The following YWHAE variants were observed in gnomAD, a reference collection of about 807,000 sequenced individuals.
YWHAE encodes tyrosine 3-monooxygenase/tryptophan 5-monooxygenase activation protein epsilon.
Under a neutral mutation model 30.1 loss-of-function variants are expected in YWHAE, and 4 were observed. The observed-to-expected ratio is 0.13, with a 90% CI of 0.07 to 0.30. The LOEUF (loss-of-function observed/expected upper bound fraction) is 0.30. Ranked by LOEUF, YWHAE falls within the 10% of genes least tolerant of loss-of-function variation. The pLI, the probability that YWHAE is intolerant of heterozygous loss-of-function variation, is 1.00. For missense variants in YWHAE, 121 were observed against 315.9 expected, an observed-to-expected ratio of 0.38 and a Z score of 4.68; for synonymous variants, 118 against 111.8, an observed-to-expected ratio of 1.06 and a Z score of -0.35.
intron 2 of YWHAE, among the ~76,000 whole-genome samples, chr17:1,362,871 G>C (rs2072885190): frequency 6.6e-6 from 1 of 152,080 alleles, no homozygotes; most frequent in Admixed American, 6.6e-5. Context: ...GGAGAAGGAA[G>C]ACTTCTAAGT....
At chr17:1,353,656 T>C (rs2072678701) in intron 5 of YWHAE, among the ~76,000 whole-genome samples, 2 of 150,512 alleles carry the variant, frequency 1.3e-5, no homozygotes, top group African/African-American at 4.9e-5. Flanking sequence ...CCAGCTACCC[T>C]GGGAAGCTGA....
chr17:1,365,208 G>A (rs1481397361), intron 1 of YWHAE, 150 bp from the exon 2 acceptor site: 2 of 901,544 alleles, frequency 2.2e-6, no homozygotes, highest in Non-Finnish European at 3.3e-6. Context: ...TGAGTAAAAA[G>A]CCAAAAACAT....
chr17:1,372,856 G>C (rs1035273207), intron 1 of YWHAE, among the ~76,000 whole-genome samples: 1 of 152,156 alleles, frequency 6.6e-6, no homozygotes, highest in East Asian at 1.9e-4. Context: ...AGGAGGCCGA[G>C]GCAGGAGGAT....
At chr17:1,391,290 T>G (rs934826389) in intron 1 of YWHAE, among the ~76,000 whole-genome samples, 1 of 149,886 alleles carries the variant, frequency 6.7e-6, no homozygotes, top group East Asian at 1.9e-4. Flanking sequence ...TAACTTCATT[T>G]GAAAAAAAAA....
At chr17:1,360,242 G>A (rs993080236) in intron 4 of YWHAE, among the ~76,000 whole-genome samples, 7 of 152,010 alleles carry the variant, frequency 4.6e-5, no homozygotes, top group African/African-American at 9.7e-5. Flanking sequence ...GATTACAGGC[G>A]TGAGCCACTG....
chr17:1,355,930 A>T (rs1174627658), intron 4 of YWHAE, among the ~76,000 whole-genome samples: 2 of 152,120 alleles, frequency 1.3e-5, no homozygotes, highest in Non-Finnish European at 2.9e-5. Flanking sequence ...GCACTTTGGG[A>T]GGCAGAAGCG....
chr17:1,357,585 A>G (rs2072773198), intron 4 of YWHAE, among the ~76,000 whole-genome samples: 2 of 151,612 alleles, frequency 1.3e-5, no homozygotes, highest in South Asian at 4.2e-4. Context: ...GTCAAAATAA[A>G]AAAAAAAAGC....
chr17:1,351,354 G>C (rs2072628337), intron 5 of YWHAE, among the ~76,000 whole-genome samples: 1 of 151,450 alleles, frequency 6.6e-6, no homozygotes, highest in African/African-American at 2.4e-5. Flanking sequence ...CTCCAGCCTG[G>C]GTAACAAGAG....
intron 1 of YWHAE, 84 bp from the exon 2 acceptor site, chr17:1,365,142 G>C: frequency 7.2e-7 from 1 of 1,396,514 alleles, no homozygotes; most frequent in Non-Finnish European, 9.7e-7. Context: ...TTTCTGTCAA[G>C]CTACTGCGAA....
At chr17:1,389,533 CTTTT>C (rs780905326) in intron 1 of YWHAE, among the ~76,000 whole-genome samples, 5 of 139,982 alleles carry the variant, frequency 3.6e-5, no homozygotes, top group Admixed American at 2.2e-4. Flanking sequence ...CGTTTTCTTT[CTTTT>C]TTTTTTTTTT....
At chr17:1,361,642 T>C (rs570567494) in intron 3 of YWHAE, 6 of 447,966 alleles carry the variant, frequency 1.3e-5, no homozygotes, top group African/African-American at 4.1e-5. Flanking sequence ...AATGTCTATA[T>C]ATAACACTAA....
intron 1 of YWHAE, among the ~76,000 whole-genome samples, chr17:1,379,416 T>A (rs1440803570): frequency 6.6e-6 from 1 of 151,950 alleles, no homozygotes; most frequent in African/African-American, 2.4e-5. Flanking sequence ...GCCCAGGAAG[T>A]CAAGGCTGCA....
At chr17:1,399,248 G>C (rs1035122614) in intron 1 of YWHAE, 2 of 152,122 alleles carry the variant, frequency 1.3e-5, no homozygotes, top group Admixed American at 6.6e-5. Context: ...CAGGAACTTC[G>C]AGATCTCCTG....
intron 1 of YWHAE, chr17:1,369,869 A>G (rs1267958439): frequency 6.6e-6 from 1 of 151,982 alleles, no homozygotes; most frequent in Non-Finnish European, 1.5e-5. Flanking sequence ...TAAACTGTAC[A>G]TAATTTAAAA....
At chr17:1,363,557 G>A (rs961003175) in intron 2 of YWHAE, among the ~76,000 whole-genome samples, 3 of 152,098 alleles carry the variant, frequency 2.0e-5, no homozygotes, top group Non-Finnish European at 2.9e-5. Context: ...GAGCCACCAC[G>A]GAAGGCCCCA....
intron 1 of YWHAE, 150 bp from the exon 2 acceptor site, chr17:1,365,208 G>C (rs1481397361): frequency 1.1e-6 from 1 of 901,426 alleles, no homozygotes; most frequent in African/African-American, 1.7e-5. Context: ...TGAGTAAAAA[G>C]CCAAAAACAT....
chr17:1,390,079 G>A (rs1462434398), intron 1 of YWHAE, among the ~76,000 whole-genome samples: 1 of 151,988 alleles, frequency 6.6e-6, no homozygotes, highest in Non-Finnish European at 1.5e-5. Flanking sequence ...CCCGACCTCA[G>A]GTGATCCGCC....
intron 1 of YWHAE, among the ~76,000 whole-genome samples, chr17:1,370,655 T>C (rs940406404): frequency 6.6e-6 from 1 of 152,068 alleles, no homozygotes; most frequent in Admixed American, 6.6e-5. Context: ...GGTCTTAAAC[T>C]CCTGACCTCA....
rs2072490043 is a variant in YWHAE, at chr17:1,344,848, C to A, written c.*599G>T. 4.3e-6 allele frequency: 1 copy of A among 232,952 alleles called. No individual in the cohort carries two copies. The highest frequency in any genetic ancestry group is 8.5e-6 in the Non-Finnish European group (1 of 117,622). 14.4% of individuals were successfully genotyped at this position (232,952 alleles called of 1,614,324 possible). Reference sequence around the variant, plus strand: ...GAGTAAAGTAGGCAAGAATGAGCAGCCACGGATTGTTGAACTGTTACCAGC... The same window carrying A: ...GAGTAAAGTAGGCAAGAATGAGCAGACACGGATTGTTGAACTGTTACCAGC... On this transcript the variant is annotated 3_prime_UTR_variant, in exon 6 of 6. Transcript: ENST00000264335.
Sources: allele counts gnomAD v4.1 joint callset (sites outside exome capture counted in the v4.1 genomes callset), GRCh38; gene constraint gnomAD v4.1.1; transcripts MANE v1.5; gene names NCBI Gene and HGNC (gene_info 2026-07-23, HGNC 2026-07-21).